The following ABCB5 variants were observed in gnomAD, a reference collection of about 807,000 sequenced individuals.
ABCB5 encodes ATP-binding cassette sub-family B member 5.
ABCB5 carries 155 observed loss-of-function variants against 144.2 expected under a neutral mutation model. The observed-to-expected ratio is 1.08, with a 90% CI of 0.94 to 1.23. The LOEUF is 1.23. Ranked by LOEUF, ABCB5 falls within the 50% of genes most tolerant of loss-of-function variation. The pLI is 0.00. For synonymous variants in ABCB5, 610 were observed against 528.6 expected (o/e 1.15, Z -2.11); for missense variants, 1,830 against 1,520.8 (o/e 1.20, Z -3.38).
In ABCB5 at chr7:20,754,269, C is replaced by A. The variant is rs1372586395; in HGVS notation, c.3576+763C>A. On this transcript the variant is annotated intron_variant, in intron 27 of 27. Coordinates refer to ENST00000404938, the MANE Select transcript of ABCB5 (RefSeq NM_001163941.2). ...AGGGTATCTGACCTAAGAGCCCAGG[C>A]AGTTAATCCACCCATGATTGCTGCT... Among the ~76,000 whole-genome samples, 3 of 152,182 alleles carry A rather than the reference C, an allele frequency of 2.0e-5. No homozygotes were observed. The East Asian group carries it at 5.8e-4, about 29-fold the overall frequency.
At chr7:20,695,299 G>C (rs970524044) in intron 16 of ABCB5, among the ~76,000 whole-genome samples, 1 of 151,472 alleles carries the variant, frequency 6.6e-6, no homozygotes, top group Non-Finnish European at 1.5e-5. Context: ...CAACACAAGG[G>C]CAAAGGCAAC....
intron 14 of ABCB5, chr7:20,659,604 CTT>C: frequency 1.0e-6 from 1 of 992,440 alleles, no homozygotes; most frequent in Non-Finnish European, 1.2e-6. Flanking sequence ...GATAAATAAT[CTT>C]TGTTTACTGT....
intron 13 of ABCB5, among the ~76,000 whole-genome samples, chr7:20,656,137 T>C (rs756953694): frequency 6.6e-6 from 1 of 152,164 alleles, no homozygotes; most frequent in South Asian, 2.1e-4. Context: ...CAAAAATTAA[T>C]TTGCCATAGA....
chr7:20,744,573 T>C (rs1433185306), intron 25 of ABCB5, among the ~76,000 whole-genome samples: 2 of 151,006 alleles, frequency 1.3e-5, no homozygotes, highest in African/African-American at 2.4e-5. Context: ...TATTTGTTCA[T>C]GTGTTTATTG....
chr7:20,655,242 C>T (rs1759697631), intron 13 of ABCB5, among the ~76,000 whole-genome samples: 1 of 152,050 alleles, frequency 6.6e-6, no homozygotes, highest in Non-Finnish European at 1.5e-5. Flanking sequence ...GAGGCTGAGG[C>T]AGGTGGATCA....
intron 14 of ABCB5, among the ~76,000 whole-genome samples, chr7:20,664,877 A>C (rs1422109090): frequency 6.6e-6 from 1 of 152,196 alleles, no homozygotes; most frequent in African/African-American, 2.4e-5. Context: ...ATCACGTGAG[A>C]CCAGGAGCTC....
intron 15 of ABCB5, among the ~76,000 whole-genome samples, chr7:20,682,270 A>G (rs774438478): frequency 2.6e-5 from 4 of 152,206 alleles, no homozygotes; most frequent in Non-Finnish European, 5.9e-5. Context: ...TGGTTAGAAC[A>G]CAAAGAAATA....
At chr7:20,719,938 TCAATACA>T (rs1320069535) in intron 20 of ABCB5, among the ~76,000 whole-genome samples, 4 of 111,736 alleles carry the variant, frequency 3.6e-5, no homozygotes, top group African/African-American at 1.5e-4. Flanking sequence ...TTTGTACCTA[TCAATACA>T]CACACACACA....
intron 5 of ABCB5, among the ~76,000 whole-genome samples, chr7:20,632,889 A>G (rs1221396165): frequency 6.6e-6 from 1 of 151,158 alleles, no homozygotes; most frequent in Non-Finnish European, 1.5e-5. Context: ...GAGGGATAGC[A>G]TTGGGAGATA....
At position 20,615,838 on chromosome 7, in the gene ABCB5, G is replaced by A. The variant is rs1783671466; in HGVS notation, c.-22+1G>A. On this transcript the variant is annotated splice_donor_variant, in intron 1 of 27. Transcript: ENST00000404938. LOFTEE classifies it low-confidence loss of function (5UTR_SPLICE). ...TCAAAACAGCATCTAAGGAATTAAA[G>A]TAAGTCAAAGCAAAAGTATTAGAGA... The A allele has an allele frequency of 6.6e-6, 1 of 152,296 alleles. No individual in the cohort carries two copies. The highest frequency in any genetic ancestry group is 2.4e-5 in the African/African-American group (1 of 41,438). 9.4% of individuals were successfully genotyped at this position (152,296 alleles called of 1,614,324 possible). A position where few individuals can be genotyped will look rare whatever the true frequency, so the allele number is the denominator to read the frequency against.
At chr7:20,660,210 A>G in intron 14 of ABCB5, 1 of 984,808 alleles carries the variant, frequency 1.0e-6, no homozygotes, top group Middle Eastern at 5.2e-4. Context: ...AGAATGCAGA[A>G]TGTTTGTAAA....
intron 23 of ABCB5, among the ~76,000 whole-genome samples, chr7:20,731,378 A>G (rs1455135260): frequency 1.4e-4 from 21 of 147,714 alleles, no homozygotes; most frequent in Non-Finnish European, 2.2e-4. Flanking sequence ...AAATATATAT[A>G]TATATATACA....
At chr7:20,635,296 G>A (rs936460565) in intron 5 of ABCB5, among the ~76,000 whole-genome samples, 28 of 150,722 alleles carry the variant, frequency 1.9e-4, no homozygotes, top group African/African-American at 5.1e-4. Flanking sequence ...TGATATTTTC[G>A]TTACTATAGC....
intron 25 of ABCB5, among the ~76,000 whole-genome samples, chr7:20,743,541 C>G (rs188322059): frequency 6.0e-4 from 92 of 152,250 alleles, no homozygotes; most frequent in Non-Finnish European, 1.0e-3. Flanking sequence ...AGTCATGCCT[C>G]TAATATCTAA....
chr7:20,628,666 T>G (rs568290750), intron 3 of ABCB5, 22 bp from the exon 4 acceptor site: 166 of 1,606,082 alleles, frequency 1.0e-4, no homozygotes, highest in Non-Finnish European at 1.4e-4. Context: ...GTTGTGGTGC[T>G]ACCGTGCTTT....
intron 20 of ABCB5, among the ~76,000 whole-genome samples, chr7:20,711,833 TTTCTTTCTTTCTTTTCTTTCTTTCTTTCC>T (rs1787065387): frequency 1.8e-5 from 1 of 56,966 alleles, no homozygotes; most frequent in African/African-American, 1.6e-4. Context: ...TCTTTCTTTC[TTTCTTTCTTTCTTTTCTTTCTTTCTTTCC>T]TTCCTCCCTC....
chr7:20,701,749 A>C (rs371580172), intron 19 of ABCB5, among the ~76,000 whole-genome samples: 2 of 152,228 alleles, frequency 1.3e-5, no homozygotes, highest in African/African-American at 4.8e-5. Flanking sequence ...CTTGCACAGA[A>C]AGTCTATGCC....
chr7:20,707,719 T>C (rs1786864359), intron 20 of ABCB5, among the ~76,000 whole-genome samples: 1 of 152,128 alleles, frequency 6.6e-6, no homozygotes, highest in Non-Finnish European at 1.5e-5. Flanking sequence ...TAAACATTTA[T>C]TTCACGTATT....
intron 13 of ABCB5, among the ~76,000 whole-genome samples, chr7:20,657,642 A>G (rs1583401433): frequency 6.6e-6 from 1 of 152,306 alleles, no homozygotes; most frequent in Non-Finnish European, 1.5e-5. Flanking sequence ...AAAAAGTGAC[A>G]TAAGGAAACT....
Sources: allele counts gnomAD v4.1 joint callset (sites outside exome capture counted in the v4.1 genomes callset), GRCh38; gene constraint gnomAD v4.1.1; transcripts MANE v1.5; gene names NCBI Gene and HGNC (gene_info 2026-07-23, HGNC 2026-07-21).